The following DCAF7 variants were observed in gnomAD, a reference collection of about 807,000 sequenced individuals.
The protein encoded by DCAF7 is DDB1- and CUL4-associated factor 7.
A neutral mutation model predicts 41.2 loss-of-function variants in DCAF7; 4 were observed. That is an observed-to-expected ratio of 0.10 (90% CI 0.05 to 0.22). DCAF7 has a LOEUF of 0.22. Ranked by LOEUF, DCAF7 falls within the 10% of genes least tolerant of loss-of-function variation. The pLI is 1.00. For missense variants in DCAF7, 131 were observed against 443.2 expected, an observed-to-expected ratio of 0.30 and a Z score of 6.32; for synonymous variants, 143 against 164.2, an observed-to-expected ratio of 0.87 and a Z score of 0.99.
At chr17:63,576,864 C>T (rs79480822) in intron 1 of DCAF7, among the ~76,000 whole-genome samples, 5,690 of 152,304 alleles carry the variant, frequency 0.037, 150 homozygotes, top group Non-Finnish European at 0.056. Context: ...CAGTGAACCA[C>T]GATTGCACCA....
rs886424242 is a variant in DCAF7 at position 63,592,142 on chromosome 17, C to G, written c.*2970C>G. 3 of 152,220 alleles carry G rather than the reference C, an allele frequency of 2.0e-5. No individual in the cohort carries two copies. The highest frequency in any genetic ancestry group is 7.2e-5 in the African/African-American group (3 of 41,424). The allele number at this position is 152,220 out of a possible 1,614,324, so 9.4% of individuals were successfully genotyped here. A position where few individuals can be genotyped will look rare whatever the true frequency, so the allele number is the denominator to read the frequency against. On this transcript the variant is annotated 3_prime_UTR_variant, in exon 7 of 7. Coordinates refer to ENST00000614556, the MANE Select transcript of DCAF7 (RefSeq NM_005828.5). ...GCGAGGATGGGTGTGGTGGCTCACA[C>G]CTGTAATCCCAGCATTTTGGGAGGC... is the stretch of plus-strand genomic sequence containing the variant.
intron 5 of DCAF7, among the ~76,000 whole-genome samples, chr17:63,584,025 T>C (rs988538643): frequency 1.3e-5 from 2 of 152,208 alleles, no homozygotes; most frequent in Non-Finnish European, 1.5e-5. Context: ...TTAAGAACTT[T>C]TAATTTTTGA....
Position 63,589,175 on chromosome 17 carries a change from T to C in DCAF7, c.*3T>C. On this transcript the variant is annotated 3_prime_UTR_variant, in exon 7 of 7. Coordinates refer to ENST00000614556, the MANE Select transcript of DCAF7 (RefSeq NM_005828.5). The stretch of plus-strand genomic sequence containing the variant: ...GCCTGGAGATACTCAGAGTGTAGTG[T>C]TGGTGGCGCTGTGCCCACGAGGCAG... The C allele has an allele frequency of 2.5e-6, 4 of 1,611,638 alleles. No individual in the cohort carries two copies. The highest frequency in any genetic ancestry group is 3.4e-6 in the Non-Finnish European group (4 of 1,179,052).
intron 4 of DCAF7, among the ~76,000 whole-genome samples, chr17:63,582,197 T>C (rs778318432): frequency 1.6e-4 from 24 of 152,166 alleles, no homozygotes; most frequent in Non-Finnish European, 3.4e-4. Flanking sequence ...GAACCACTTC[T>C]ACTTCCTGCC....
intron 1 of DCAF7, among the ~76,000 whole-genome samples, 154 bp from the exon 2 acceptor site, chr17:63,578,316 G>A (rs549363935): frequency 2.0e-5 from 3 of 152,282 alleles, no homozygotes; most frequent in Admixed American, 1.3e-4. Flanking sequence ...CTGAGCTGTG[G>A]TTGCACCACT....
At chr17:63,578,859 C>T (rs577305560) in intron 2 of DCAF7, among the ~76,000 whole-genome samples, 72 of 152,306 alleles carry the variant, frequency 4.7e-4, no homozygotes, top group Non-Finnish European at 7.2e-4. Context: ...TCAGTCAACC[C>T]GAGGTGATGA....
In DCAF7 at chr17:63,590,811, T is replaced by C. The variant is rs1415369715; in HGVS notation, c.*1639T>C. On this transcript the variant is annotated 3_prime_UTR_variant, in exon 7 of 7. Transcript: ENST00000614556. Reference sequence around the variant, plus strand: ...TGCTTGAGAAGTAAAACAGTAACTTTGTTCTTCTGGGCCCTTAAGCTTTTT... The same window carrying C: ...TGCTTGAGAAGTAAAACAGTAACTTCGTTCTTCTGGGCCCTTAAGCTTTTT... 1.3e-5 allele frequency: 2 copies of C among 152,260 alleles called. No homozygotes were observed. Among genetic ancestry groups the C allele is most frequent in the Non-Finnish European group, 2.9e-5 (2 of 68,052 alleles). The allele number at this position is 152,260 out of a possible 1,614,324, so 9.4% of individuals were successfully genotyped here.
At chr17:63,564,136 T>TACACACACACAC (rs369218596) in intron 1 of DCAF7, among the ~76,000 whole-genome samples, 8,191 of 147,886 alleles carry the variant, frequency 0.055, 233 homozygotes, top group Middle Eastern at 0.079. Context: ...GTTAACTTTA[T>TACACACACACAC]ACACACACAC....
chr17:63,581,921 C>T (rs77545761), intron 4 of DCAF7, among the ~76,000 whole-genome samples: 40 of 152,250 alleles, frequency 2.6e-4, no homozygotes, highest in African/African-American at 9.4e-4. Flanking sequence ...TGTCACCTTC[C>T]CTTGGTTTCC....
At position 63,585,128 on chromosome 17, in the gene DCAF7, A is replaced by C. The variant is rs1178148169; in HGVS notation, c.739-83A>C. 4 of 1,126,384 alleles carry C rather than the reference A, an allele frequency of 3.6e-6. No individual in the cohort carries two copies. In the African/African-American group the frequency reaches 6.2e-5, roughly 18 times the overall value. 69.8% of individuals were successfully genotyped at this position (1,126,384 alleles called of 1,614,324 possible). ...CACAAATGAAAAATTATGCCTAAAA[A>C]GATTTTTGCATGTGGATAGTATTTT... On this transcript the variant is annotated intron_variant, in intron 5 of 6. Coordinates refer to ENST00000614556, the MANE Select transcript of DCAF7 (RefSeq NM_005828.5).
At chr17:63,563,103 G>A (rs535388870) in intron 1 of DCAF7, among the ~76,000 whole-genome samples, 1 of 152,228 alleles carries the variant, frequency 6.6e-6, no homozygotes, top group Non-Finnish European at 1.5e-5. Flanking sequence ...GGGATAATGG[G>A]CATGAGCCAC....
chr17:63,576,176 T>C (rs947135949), intron 1 of DCAF7, among the ~76,000 whole-genome samples: 1 of 152,200 alleles, frequency 6.6e-6, no homozygotes, highest in Non-Finnish European at 1.5e-5. Context: ...GAGCTGTAGC[T>C]CACGCCTGTA....
intron 1 of DCAF7, among the ~76,000 whole-genome samples, chr17:63,561,504 G>T (rs1012792068): frequency 1.3e-4 from 20 of 152,008 alleles, no homozygotes; most frequent in Non-Finnish European, 2.5e-4. Flanking sequence ...CAGATCATTG[G>T]GCCCAGGAGT....
intron 3 of DCAF7, 126 bp from the exon 4 acceptor site, chr17:63,579,699 C>T: frequency 8.5e-6 from 7 of 828,020 alleles, no homozygotes; most frequent in Non-Finnish European, 1.1e-5. Context: ...CCGGTAGCCC[C>T]CACCTTGTTT....
At chr17:63,588,928 T>C in intron 6 of DCAF7, 72 bp from the exon 7 acceptor site, 1 of 1,485,224 alleles carries the variant, frequency 6.7e-7, no homozygotes, top group Non-Finnish European at 9.0e-7. Context: ...TGTGACTTGC[T>C]CCTGAAATGC....
At chr17:63,552,837 CT>C (rs1355380961) in intron 1 of DCAF7, among the ~76,000 whole-genome samples, 1 of 152,202 alleles carries the variant, frequency 6.6e-6, no homozygotes, top group Admixed American at 6.5e-5. Flanking sequence ...GGAGCTTCCT[CT>C]TTGTGACAGG....
intron 1 of DCAF7, among the ~76,000 whole-genome samples, chr17:63,569,673 A>G (rs570049005): frequency 5.9e-5 from 9 of 152,172 alleles, no homozygotes; most frequent in African/African-American, 2.2e-4. Flanking sequence ...TAACAAATGT[A>G]CCTTTTTATT....
intron 1 of DCAF7, among the ~76,000 whole-genome samples, chr17:63,574,484 T>G (rs1389804636): frequency 2.0e-5 from 3 of 152,190 alleles, no homozygotes; most frequent in Non-Finnish European, 2.9e-5. Flanking sequence ...TATTTAGACT[T>G]AGTCATATGG....
chr17:63,587,450 G>C (rs561586875), intron 6 of DCAF7, among the ~76,000 whole-genome samples: 5 of 152,094 alleles, frequency 3.3e-5, no homozygotes, highest in Non-Finnish European at 7.4e-5. Flanking sequence ...GCTCCTGGCT[G>C]CTGCCTTTGT....
Sources: allele counts gnomAD v4.1 joint callset (sites outside exome capture counted in the v4.1 genomes callset), GRCh38; gene constraint gnomAD v4.1.1; transcripts MANE v1.5; gene names NCBI Gene and HGNC (gene_info 2026-07-23, HGNC 2026-07-21).